RFX4: variants seen among roughly 807,000 people sequenced by gnomAD.
RFX4 encodes regulatory factor X4.
In RFX4, 10 loss-of-function variants were observed where a neutral mutation model predicts 95.0. The observed-to-expected ratio is 0.11, with a 90% CI of 0.06 to 0.18. The LOEUF is 0.18. RFX4 is among the 10% of genes least tolerant of loss of function. The pLI, the probability that RFX4 is intolerant of heterozygous loss-of-function variation, is 1.00. For synonymous variants in RFX4, 321 were observed against 340.7 expected, an observed-to-expected ratio of 0.94 and a Z score of 0.64; for missense variants, 640 against 922.0, an observed-to-expected ratio of 0.69 and a Z score of 3.96.
chr12:106,645,041 C>G (rs186498736), intron 3 of RFX4, among the ~76,000 whole-genome samples: 1 of 152,080 alleles, frequency 6.6e-6, no homozygotes, highest in Non-Finnish European at 1.5e-5. Flanking sequence ...ACCCCCTCCC[C>G]CTCCCCCTAG....
chr12:106,636,344 C>G (rs570921899), intron 2 of RFX4, among the ~76,000 whole-genome samples: 1 of 147,112 alleles, frequency 6.8e-6, no homozygotes. Context: ...GAGCTGAGAT[C>G]GTGCCATTGC....
intron 2 of RFX4, among the ~76,000 whole-genome samples, chr12:106,630,134 A>G (rs1239094429): frequency 1.3e-5 from 2 of 151,260 alleles, no homozygotes; most frequent in African/African-American, 4.9e-5. Flanking sequence ...TTTTCCTGCT[A>G]TTTTTTTGGG....
chr12:106,740,031 A>G (rs2042780287), intron 15 of RFX4, among the ~76,000 whole-genome samples: 1 of 152,198 alleles, frequency 6.6e-6, no homozygotes, highest in Admixed American at 6.5e-5. Flanking sequence ...CTCGTTTATG[A>G]TGTCATTTTA....
chr12:106,668,816 A>C (rs935626051), intron 4 of RFX4, among the ~76,000 whole-genome samples: 8 of 152,200 alleles, frequency 5.3e-5, no homozygotes, highest in African/African-American at 1.9e-4. Context: ...CATGGGTGGT[A>C]CAATGTGATC....
rs149705661 is a variant in RFX4 at position 106,721,538 on chromosome 12, A to C, written c.1351+662A>C. Reference sequence around the variant, plus strand: ...TTACTGAATCGGGGTGAATGTTATGATACATTGTAGGACAGTTTTCTACTT... The same window carrying C: ...TTACTGAATCGGGGTGAATGTTATGCTACATTGTAGGACAGTTTTCTACTT... On this transcript the variant is annotated intron_variant, in intron 13 of 17. Coordinates refer to ENST00000392842, the MANE Select transcript of RFX4 (RefSeq NM_213594.3). Among the ~76,000 whole-genome samples, 162 of 152,292 alleles carry C rather than the reference A, an allele frequency of 1.1e-3. 2 individuals carry two copies. Among genetic ancestry groups the C allele is most frequent in the East Asian group, 6.2e-3 (32 of 5,186 alleles).
chr12:106,608,021 C>T (rs1265906940), intron 1 of RFX4, among the ~76,000 whole-genome samples: 3 of 152,042 alleles, frequency 2.0e-5, no homozygotes, highest in South Asian at 2.1e-4. Flanking sequence ...GGTGAAACCC[C>T]GTCTCTACTA....
chr12:106,584,413 A>G (rs2039421377), intron 1 of RFX4, among the ~76,000 whole-genome samples: 1 of 152,122 alleles, frequency 6.6e-6, no homozygotes, highest in African/African-American at 2.4e-5. Flanking sequence ...GGGGAGAGGC[A>G]GAAATAGGGC....
chr12:106,730,661 T>C (rs1187611182), intron 13 of RFX4, among the ~76,000 whole-genome samples: 2 of 152,140 alleles, frequency 1.3e-5, no homozygotes, highest in Non-Finnish European at 2.9e-5. Context: ...TAATGATCCA[T>C]GATGAAGACA....
At chr12:106,754,847 A>G (rs2043080619) in intron 17 of RFX4, among the ~76,000 whole-genome samples, 1 of 152,122 alleles carries the variant, frequency 6.6e-6, no homozygotes, top group Non-Finnish European at 1.5e-5. Context: ...CACTCCCCTC[A>G]ATATACACAC....
chr12:106,596,278 C>T (rs763373293), intron 1 of RFX4, among the ~76,000 whole-genome samples: 5 of 152,210 alleles, frequency 3.3e-5, no homozygotes, highest in Middle Eastern at 3.4e-3. Flanking sequence ...GTTTTAAAAA[C>T]GGGAGTTTCC....
chr12:106,642,599 G>A (rs1361645155), intron 3 of RFX4, among the ~76,000 whole-genome samples: 1 of 152,088 alleles, frequency 6.6e-6, no homozygotes, highest in East Asian at 1.9e-4. Flanking sequence ...GGGTGACAGA[G>A]CAAGACCCTG....
chr12:106,637,507 AT>A (rs2040537322), intron 2 of RFX4, among the ~76,000 whole-genome samples: 1 of 152,074 alleles, frequency 6.6e-6, no homozygotes, highest in Admixed American at 6.6e-5. Context: ...CCACAGATTG[AT>A]TTCATTGATC....
At chr12:106,734,091 T>C (rs1202546949) in intron 15 of RFX4, among the ~76,000 whole-genome samples, 1 of 152,178 alleles carries the variant, frequency 6.6e-6, no homozygotes, top group Non-Finnish European at 1.5e-5. Context: ...AAATATATGA[T>C]TCCATTTATA....
intron 15 of RFX4, among the ~76,000 whole-genome samples, chr12:106,744,688 C>T (rs902575273): frequency 6.6e-6 from 1 of 152,132 alleles, no homozygotes; most frequent in Non-Finnish European, 1.5e-5. Flanking sequence ...CCTGGCAGAA[C>T]CAGAACCCAG....
At chr12:106,624,879 T>C (rs1013990617) in intron 2 of RFX4, among the ~76,000 whole-genome samples, 5 of 152,116 alleles carry the variant, frequency 3.3e-5, no homozygotes, top group African/African-American at 1.2e-4. Context: ...TGGCCTGCCA[T>C]AGAGTGTATC....
Position 106,653,600 on chromosome 12 carries a change from G to A in RFX4, c.192-628G>A, listed in dbSNP as rs112073385. ...TCCCTAATGGAGACTCACTAAGAAG[G>A]TGATGGGTATAGAATCATTATTCCT... is the stretch of plus-strand genomic sequence containing the variant. On this transcript the variant is annotated intron_variant, in intron 3 of 17. Coordinates refer to ENST00000392842, the MANE Select transcript of RFX4 (RefSeq NM_213594.3). Among the ~76,000 whole-genome samples the A allele has an allele frequency of 5.5e-3, 842 of 152,308 alleles. 10 individuals carry two copies. Among genetic ancestry groups the A allele is most frequent in the African/African-American group, 0.019 (793 of 41,560 alleles).
intron 6 of RFX4, among the ~76,000 whole-genome samples, chr12:106,689,001 TCA>T (rs1170436979): frequency 6.6e-6 from 1 of 152,062 alleles, no homozygotes; most frequent in Non-Finnish European, 1.5e-5. Flanking sequence ...TTCCTAGAGC[TCA>T]CAGTCTCAGG....
At chr12:106,605,272 C>T (rs1433375907) in intron 1 of RFX4, among the ~76,000 whole-genome samples, 1 of 152,170 alleles carries the variant, frequency 6.6e-6, no homozygotes, top group Admixed American at 6.5e-5. Flanking sequence ...TTGACCTCTG[C>T]AAGACCAAAA....
chr12:106,684,900 C>T (rs1457600104), intron 5 of RFX4: 2 of 1,613,334 alleles, frequency 1.2e-6, no homozygotes, highest in Admixed American at 1.7e-5. Flanking sequence ...GCAGAAATAT[C>T]ACGGAATGGT....
Sources: gnomAD v4.1 joint callset for allele counts (sites outside exome capture counted in the v4.1 genomes callset) on GRCh38, gnomAD v4.1.1 for gene constraint, MANE v1.5 for transcripts, NCBI Gene and HGNC (gene_info 2026-07-23, HGNC 2026-07-21) for gene names.